SNTG2: variants seen among roughly 807,000 people sequenced by gnomAD.
SNTG2 encodes gamma-2-syntrophin.
SNTG2 carries 74 observed loss-of-function variants against 70.9 expected under a neutral mutation model. The ratio of observed to expected loss-of-function variants is 1.04; its 90% CI spans 0.86 to 1.27. The LOEUF is 1.27. Among genes scored for constraint, SNTG2 ranks in the 50% most tolerant of loss-of-function variants. SNTG2 has a pLI of 0.00. For synonymous variants in SNTG2, 278 were observed against 273.8 expected (o/e 1.02, Z -0.15); for missense variants, 717 against 690.7 (o/e 1.04, Z -0.43).
rs1018290740 is a variant in SNTG2, at chr2:1,046,896, G to A, written c.73-36622G>A. On this transcript the variant is annotated intron_variant, in intron 1 of 16. Coordinates refer to ENST00000308624, the MANE Select transcript of SNTG2 (RefSeq NM_018968.4). ...TCCTCTGAATTTCCTAAATTTGAACGTTGACCTTTCTAGCGAGAATGGGGA... is the reference window on the plus strand; with the variant it reads ...TCCTCTGAATTTCCTAAATTTGAACATTGACCTTTCTAGCGAGAATGGGGA... 1.3e-4 allele frequency among the ~76,000 whole-genome samples: 20 copies of A among 151,966 alleles called. 1 individual carries two copies. Among genetic ancestry groups the A allele is most frequent in the Admixed American group, 1.2e-3 (18 of 15,270 alleles).
chr2:1,055,507 G>A (rs1662335612), intron 1 of SNTG2, among the ~76,000 whole-genome samples: 1 of 152,080 alleles, frequency 6.6e-6, no homozygotes. Flanking sequence ...TGTGGGTCAG[G>A]ATTTTTCATG....
At chr2:1,113,013 CAT>C (rs1387512664) in intron 4 of SNTG2, among the ~76,000 whole-genome samples, 1 of 151,376 alleles carries the variant, frequency 6.6e-6, no homozygotes, top group African/African-American at 2.4e-5. Flanking sequence ...TGTGAAGGAT[CAT>C]GTGTACTAAG....
intron 9 of SNTG2, among the ~76,000 whole-genome samples, chr2:1,222,164 T>TC (rs1210991476): frequency 2.4e-4 from 36 of 151,842 alleles, no homozygotes; most frequent in South Asian, 6.3e-4. Context: ...TATCTCTGTC[T>TC]TTGTCTCTCT....
rs766583992 is a variant in SNTG2, at chr2:1,267,447, A to G, written c.1160A>G (p.Tyr387Cys). ...QDFDFEDQRP[Y>C]CFSIVAGHGK... ...TTTGACTTTGAGGACCAGAGGCCCTATTGCTTCAGCATCGTGGCCGGCCAT... is the reference window on the plus strand; with the variant it reads ...TTTGACTTTGAGGACCAGAGGCCCTGTTGCTTCAGCATCGTGGCCGGCCAT... Residue 387 changes from tyrosine (Y) to cysteine (C), a missense_variant, in exon 14 of 17, where the codon TAT becomes TGT. By Grantham distance (194) the Tyr-to-Cys change is radical. Coordinates refer to ENST00000308624, the MANE Select transcript of SNTG2 (RefSeq NM_018968.4). The G allele has an allele frequency of 2.2e-5, 35 of 1,613,412 alleles. No individual in the cohort carries two copies. The highest frequency in any genetic ancestry group is 2.2e-5 in the East Asian group (1 of 44,870).
chr2:1,112,634 G>C (rs955249762), intron 4 of SNTG2, among the ~76,000 whole-genome samples: 2 of 145,396 alleles, frequency 1.4e-5, no homozygotes, highest in African/African-American at 5.7e-5. Flanking sequence ...CCTTTGAGGA[G>C]AATCATGTGT....
chr2:1,254,409 A>G (rs767781271), intron 12 of SNTG2, among the ~76,000 whole-genome samples: 1 of 152,244 alleles, frequency 6.6e-6, no homozygotes, highest in Non-Finnish European at 1.5e-5. Flanking sequence ...CCTGTTTTCA[A>G]ACATCATTAA....
intron 1 of SNTG2, among the ~76,000 whole-genome samples, chr2:1,074,768 G>A (rs908114409): frequency 2.0e-5 from 3 of 152,154 alleles, no homozygotes; most frequent in African/African-American, 7.2e-5. Context: ...ATTATCAAAT[G>A]TTGAATTAGC....
intron 1 of SNTG2, among the ~76,000 whole-genome samples, chr2:1,029,542 G>A (rs931848997): frequency 1.3e-5 from 2 of 152,176 alleles, no homozygotes; most frequent in Non-Finnish European, 2.9e-5. Context: ...AGAAGTTTCC[G>A]CTAATCAGCA....
At chr2:1,147,800 G>A (rs759193144) in intron 6 of SNTG2, among the ~76,000 whole-genome samples, 5 of 152,150 alleles carry the variant, frequency 3.3e-5, no homozygotes, top group African/African-American at 7.2e-5. Flanking sequence ...CATGAAATGC[G>A]GTGTTGCCCA....
At chr2:1,221,413 C>A (rs1294519946) in intron 9 of SNTG2, among the ~76,000 whole-genome samples, 1 of 147,624 alleles carries the variant, frequency 6.8e-6, no homozygotes, top group Non-Finnish European at 1.5e-5. Flanking sequence ...CTCTCAGTCT[C>A]TGGTTTTGTC....
intron 1 of SNTG2, among the ~76,000 whole-genome samples, chr2:1,060,739 A>G (rs1662767283): frequency 6.6e-6 from 1 of 152,236 alleles, no homozygotes; most frequent in East Asian, 1.9e-4. Flanking sequence ...AATAAATGGA[A>G]AAGAAGAAAA....
chr2:1,253,212 C>A (rs1405009553), intron 12 of SNTG2, among the ~76,000 whole-genome samples: 2 of 152,098 alleles, frequency 1.3e-5, no homozygotes, highest in Non-Finnish European at 2.9e-5. Flanking sequence ...ATAGGATGCT[C>A]AGCACCCACC....
intron 13 of SNTG2, among the ~76,000 whole-genome samples, chr2:1,261,245 T>C (rs1472736455): frequency 6.6e-6 from 1 of 152,234 alleles, no homozygotes; most frequent in Non-Finnish European, 1.5e-5. Context: ...ATGTTTATCA[T>C]TTAGCATACA....
intron 14 of SNTG2, among the ~76,000 whole-genome samples, chr2:1,295,945 C>T (rs910870628): frequency 4.6e-5 from 7 of 151,608 alleles, no homozygotes; most frequent in Non-Finnish European, 8.8e-5. Context: ...ACGTCACCAT[C>T]GATGGCTTTC....
At chr2:977,906 A>G (rs1660965658) in intron 1 of SNTG2, among the ~76,000 whole-genome samples, 1 of 152,086 alleles carries the variant, frequency 6.6e-6, no homozygotes, top group Non-Finnish European at 1.5e-5. Flanking sequence ...ATCTCAGCTC[A>G]CTGGTTTCTG....
At chr2:1,255,987 C>T (rs10171152) in intron 12 of SNTG2, among the ~76,000 whole-genome samples, 42,387 of 141,734 alleles carry the variant, frequency 0.3, 7,422 homozygotes, top group African/African-American at 0.45. Context: ...TGTATAGCCA[C>T]GCATTGCTTA....
At chr2:1,262,626 A>C (rs557221174) in intron 13 of SNTG2, among the ~76,000 whole-genome samples, 126 of 139,026 alleles carry the variant, frequency 9.1e-4, no homozygotes, top group African/African-American at 3.0e-3. Flanking sequence ...CCAGACGAGG[A>C]AACCCAAAGG....
chr2:1,126,998 T>A (rs1667734678), intron 4 of SNTG2, among the ~76,000 whole-genome samples: 2 of 125,280 alleles, frequency 1.6e-5, no homozygotes, highest in African/African-American at 3.3e-5. Flanking sequence ...TTGCTTTTGT[T>A]ATCTGTGTTT....
intron 1 of SNTG2, among the ~76,000 whole-genome samples, chr2:1,026,954 A>G (rs567908780): frequency 4.0e-4 from 61 of 152,304 alleles, no homozygotes; most frequent in African/African-American, 1.3e-3. Context: ...TAGTATCTGC[A>G]TAGCAGACAG....
Sources: gnomAD v4.1 joint callset for allele counts (sites outside exome capture counted in the v4.1 genomes callset) on GRCh38, gnomAD v4.1.1 for gene constraint, MANE v1.5 for transcripts, NCBI Gene and HGNC (gene_info 2026-07-23, HGNC 2026-07-21) for gene names.